Variants in NRXN3 observed in about 807,000 individuals in gnomAD.
NRXN3 encodes neurexin 3.
NRXN3 carries 32 observed loss-of-function variants against 137.6 expected under a neutral mutation model. The observed-to-expected ratio is 0.23, with a 90% confidence interval of 0.18 to 0.31. NRXN3 has a LOEUF of 0.31. Ranked by LOEUF, NRXN3 falls within the 10% of genes least tolerant of loss-of-function variation. The pLI is 1.00. For missense variants in NRXN3, 1,574 were observed against 2,062.5 expected (o/e 0.76, Z 4.59); for synonymous variants, 798 against 784.5 (o/e 1.02, Z -0.29).
chr14:78,953,948 T>C (rs1325141102), intron 10 of NRXN3, among the ~76,000 whole-genome samples: 2 of 152,232 alleles, frequency 1.3e-5, no homozygotes, highest in African/African-American at 4.8e-5. Context: ...TTCTTCTTTT[T>C]GTCTGAACCA....
chr14:79,214,045 T>G (rs571696980), intron 15 of NRXN3, among the ~76,000 whole-genome samples: 14 of 152,352 alleles, frequency 9.2e-5, no homozygotes, highest in African/African-American at 3.4e-4. Flanking sequence ...TAACCACACA[T>G]AGCTGTGTTC....
chr14:78,348,113 T>TCAAA (rs955970104), intron 4 of NRXN3, among the ~76,000 whole-genome samples: 3 of 152,134 alleles, frequency 2.0e-5, no homozygotes, highest in Admixed American at 2.0e-4. Flanking sequence ...GTGCATGGCA[T>TCAAA]CAAAGCTCAT....
At chr14:78,734,130 G>A (rs1277492139) in intron 8 of NRXN3, among the ~76,000 whole-genome samples, 1 of 151,622 alleles carries the variant, frequency 6.6e-6, no homozygotes, top group African/African-American at 2.4e-5. Context: ...AAGAAACTTT[G>A]GCTACAGTTG....
intron 4 of NRXN3, among the ~76,000 whole-genome samples, chr14:78,308,128 T>C (rs762653192): frequency 6.6e-6 from 1 of 152,066 alleles, no homozygotes; most frequent in Non-Finnish European, 1.5e-5. Flanking sequence ...TTTAAAAAAT[T>C]TGTTCGACTA....
At chr14:78,890,134 G>A (rs972481337) in intron 10 of NRXN3, among the ~76,000 whole-genome samples, 1 of 151,880 alleles carries the variant, frequency 6.6e-6, no homozygotes, top group South Asian at 2.1e-4. Flanking sequence ...AAAACTGAGA[G>A]AGAAAAAAAT....
At chr14:79,377,079 A>T (rs1190788697) in intron 15 of NRXN3, among the ~76,000 whole-genome samples, 1 of 152,244 alleles carries the variant, frequency 6.6e-6, no homozygotes, top group Non-Finnish European at 1.5e-5. Context: ...ACACAATGAT[A>T]AACATTCTCA....
chr14:78,379,785 T>C (rs1247960054), intron 4 of NRXN3, among the ~76,000 whole-genome samples: 2 of 152,146 alleles, frequency 1.3e-5, no homozygotes, highest in Non-Finnish European at 2.9e-5. Flanking sequence ...ATAAAAGGCA[T>C]ATAAGTTGGA....
At chr14:78,356,945 A>G (rs1333452978) in intron 4 of NRXN3, among the ~76,000 whole-genome samples, 2 of 152,194 alleles carry the variant, frequency 1.3e-5, no homozygotes, top group African/African-American at 2.4e-5. Context: ...AATTTTCCCT[A>G]TATGGCAGGG....
intron 6 of NRXN3, among the ~76,000 whole-genome samples, chr14:78,662,353 G>C (rs1292750907): frequency 3.3e-5 from 5 of 152,064 alleles, no homozygotes; most frequent in Non-Finnish European, 7.4e-5. Context: ...CCCAAGGTTT[G>C]AGAGTCGTCT....
chr14:78,817,715 C>T (rs1026052920), intron 10 of NRXN3, among the ~76,000 whole-genome samples: 5 of 152,098 alleles, frequency 3.3e-5, no homozygotes, highest in Non-Finnish European at 5.9e-5. Context: ...CTCTTTTTAA[C>T]AACCCACTCT....
At chr14:79,429,787 T>C (rs990494960) in intron 15 of NRXN3, among the ~76,000 whole-genome samples, 6 of 152,140 alleles carry the variant, frequency 3.9e-5, no homozygotes, top group Non-Finnish European at 5.9e-5. Flanking sequence ...GTGAAATAAG[T>C]GAGTATCCTT....
intron 15 of NRXN3, among the ~76,000 whole-genome samples, chr14:78,997,189 T>C: frequency 6.6e-6 from 1 of 152,196 alleles, no homozygotes; most frequent in Admixed American, 6.5e-5. Flanking sequence ...CAAACCCCAG[T>C]AGACACTTGG....
At chr14:78,924,102 A>G (rs1286650466) in intron 10 of NRXN3, among the ~76,000 whole-genome samples, 1 of 152,132 alleles carries the variant, frequency 6.6e-6, no homozygotes, top group Non-Finnish European at 1.5e-5. Flanking sequence ...ACAAAAAATT[A>G]GCAGGGCGTG....
chr14:78,973,301 A>G (rs577437283), intron 14 of NRXN3, among the ~76,000 whole-genome samples: 8 of 152,248 alleles, frequency 5.3e-5, no homozygotes, highest in Middle Eastern at 6.8e-3. Flanking sequence ...CTTGGAAGGA[A>G]AAAAAAGGCC....
At chr14:78,543,435 G>A (rs182075611) in intron 4 of NRXN3, among the ~76,000 whole-genome samples, 20 of 152,264 alleles carry the variant, frequency 1.3e-4, no homozygotes, top group Non-Finnish European at 2.4e-4. Flanking sequence ...TTGCAGAAGT[G>A]TTTTTGAGCA....
intron 4 of NRXN3, among the ~76,000 whole-genome samples, chr14:78,641,286 A>T (rs1342109439): frequency 6.6e-6 from 1 of 152,174 alleles, no homozygotes; most frequent in Non-Finnish European, 1.5e-5. Flanking sequence ...TCTTAGAAGA[A>T]AAATCATGTC....
At chr14:78,768,325 G>A (rs1457038232) in intron 8 of NRXN3, among the ~76,000 whole-genome samples, 2 of 152,138 alleles carry the variant, frequency 1.3e-5, no homozygotes, top group African/African-American at 4.8e-5. Context: ...AGAACACCTT[G>A]TGCCTGTTCT....
intron 15 of NRXN3, among the ~76,000 whole-genome samples, chr14:79,401,497 A>G (rs1486326665): frequency 2.0e-5 from 3 of 152,160 alleles, no homozygotes; most frequent in Non-Finnish European, 4.4e-5. Flanking sequence ...TCTGATGTGC[A>G]TTGTCCTAGG....
chr14:79,792,296 G>A (rs2099147705), intron 19 of NRXN3, among the ~76,000 whole-genome samples: 1 of 152,158 alleles, frequency 6.6e-6, no homozygotes, highest in Admixed American at 6.5e-5. Flanking sequence ...ATGAAAAGCA[G>A]CCTCTTCAAT....
Sources: gnomAD v4.1 joint callset for allele counts (sites outside exome capture counted in the v4.1 genomes callset) on GRCh38, gnomAD v4.1.1 for gene constraint, MANE v1.5 for transcripts, NCBI Gene and HGNC (gene_info 2026-07-23, HGNC 2026-07-21) for gene names.